Variants in BCAS3 observed in about 807,000 individuals in gnomAD.
BCAS3 encodes the protein BCAS3 microtubule associated cell migration factor.
In BCAS3, 53 loss-of-function variants were observed where a neutral mutation model predicts 116.1. The observed-to-expected ratio is 0.46, with a 90% CI of 0.37 to 0.57. The LOEUF (loss-of-function observed/expected upper bound fraction) is 0.57. BCAS3 is among the 20% of genes least tolerant of loss of function. BCAS3 has a pLI of 0.00. For synonymous variants in BCAS3, 391 were observed against 408.2 expected (o/e 0.96, Z 0.51); for missense variants, 917 against 1,165.4 (o/e 0.79, Z 3.10).
intron 22 of BCAS3, among the ~76,000 whole-genome samples, chr17:61,085,454 A>G (rs1224348037): frequency 6.6e-6 from 1 of 152,230 alleles, no homozygotes; most frequent in Non-Finnish European, 1.5e-5. Flanking sequence ...AAACAAACAC[A>G]AAACTGATTT....
rs2047743362 is a variant in BCAS3 at position 61,244,126 on chromosome 17, CCT to C, written c.2426-124198_2426-124197del. On this transcript the variant is annotated intron_variant, in intron 22 of 23. Transcript: ENST00000407086. The surrounding 1 kb of genome is among the most constrained non-coding windows in gnomAD (Gnocchi z 4.9). ...TATGTCAAATTAAAGCATTTTTAAA[CCT>C]CTTTTTTTAACTCAAGTAATACATA... Among the ~76,000 whole-genome samples, 2 of 152,050 alleles carry C rather than the reference CCT, an allele frequency of 1.3e-5. No individual in the cohort carries two copies. Among genetic ancestry groups the C allele is most frequent in the Non-Finnish European group, 1.5e-5 (1 of 68,016 alleles).
intron 22 of BCAS3, among the ~76,000 whole-genome samples, chr17:61,331,831 GGT>G (rs936216137): frequency 2.6e-5 from 4 of 152,168 alleles, no homozygotes; most frequent in African/African-American, 9.7e-5. Flanking sequence ...GCACGTGGCA[GGT>G]GTGATTGTTG....
chr17:60,936,172 T>C (rs995805820), intron 13 of BCAS3, among the ~76,000 whole-genome samples: 20 of 151,710 alleles, frequency 1.3e-4, no homozygotes, highest in Non-Finnish European at 1.9e-4. Flanking sequence ...TCCATGTCCC[T>C]ACAAAGGACA....
In BCAS3 at chr17:61,078,477, C is replaced by T; in HGVS notation, c.2275C>T (p.Pro759Ser). The T allele has an allele frequency of 6.2e-7, 1 of 1,614,174 alleles. No homozygotes were observed. The highest frequency in any genetic ancestry group is 8.5e-7 in the Non-Finnish European group (1 of 1,180,026). ...VLQSHGPSDTPQPLLDFDTDD... is the reference protein window; with the variant it reads ...VLQSHGPSDTSQPLLDFDTDD... ...GCAGTCTCATGGTCCGAGTGACACG[C>T]CACAGCCTCTTTTGGATTTTGATAC... The change falls in exon 21 of 24, where the codon CCA (proline) becomes TCA (serine). Residue 759 changes from proline to serine, a missense_variant. Physicochemically the swap from Pro to Ser is moderately conservative, Grantham distance 74. This residue lies in a region of BCAS3 where 807 missense variants were observed against 1,026.0 expected (regional missense o/e 0.79). Transcript: ENST00000407086.
intron 16 of BCAS3, among the ~76,000 whole-genome samples, chr17:61,033,640 CAG>C (rs2066808512): frequency 6.6e-6 from 1 of 152,120 alleles, no homozygotes; most frequent in South Asian, 2.1e-4. Flanking sequence ...GGCTAACTAG[CAG>C]AGAGGAACAT....
rs1248116188 is a variant in BCAS3 at position 61,235,185 on chromosome 17, C to T, written c.2426-133142C>T. Among the ~76,000 whole-genome samples, 1 of 152,198 alleles carries T rather than the reference C, an allele frequency of 6.6e-6. No homozygotes were observed. The highest frequency in any genetic ancestry group is 1.5e-5 in the Non-Finnish European group (1 of 68,034). On this transcript the variant is annotated intron_variant, in intron 22 of 23. Coordinates refer to ENST00000407086, the MANE Select transcript of BCAS3 (RefSeq NM_017679.5). The surrounding 1 kb of genome is among the most constrained non-coding windows in gnomAD (Gnocchi z 5.0). ...TATAGGCGTGAACCACCACGCCTGG[C>T]TGTCTGCCCCCCGCCTGTCCTAAGC...
At chr17:61,192,729 C>G (rs1439061767) in intron 22 of BCAS3, among the ~76,000 whole-genome samples, 2 of 152,196 alleles carry the variant, frequency 1.3e-5, no homozygotes, top group Non-Finnish European at 2.9e-5. Flanking sequence ...GCTTCACCAA[C>G]AAAATATAAA....
chr17:60,894,216 G>T (rs1034965736), intron 10 of BCAS3, among the ~76,000 whole-genome samples: 4 of 151,966 alleles, frequency 2.6e-5, no homozygotes, highest in African/African-American at 9.7e-5. Context: ...TCATGAGCTT[G>T]GGATGTTTTT....
chr17:61,216,516 G>GTTTATTTTATTTTATTTTAT lies in BCAS3; in HGVS notation c.2425+131970_2425+131989dup, dbSNP rs3032587. On this transcript the variant is annotated intron_variant, in intron 22 of 23. Coordinates refer to ENST00000407086, the MANE Select transcript of BCAS3 (RefSeq NM_017679.5). ...GAACTAAGCAAGTCAATAAGTATGT[G>GTTTATTTTATTTTATTTTAT]TTTATTTTATTTTATTTTATTTTAT... Among the ~76,000 whole-genome samples, 811 of 145,434 alleles carry GTTTATTTTATTTTATTTTAT rather than the reference G, an allele frequency of 5.6e-3. 3 individuals carry two copies. The highest frequency in any genetic ancestry group is 0.014 in the Middle Eastern group (4 of 290).
intron 7 of BCAS3, chr17:60,810,063 A>G: frequency 4.0e-6 from 1 of 249,502 alleles, no homozygotes; most frequent in Admixed American, 4.1e-5. Context: ...GCCAAGAAAC[A>G]GGAAGTTGTG....
intron 14 of BCAS3, among the ~76,000 whole-genome samples, chr17:60,977,491 T>TTA (rs2062483275): frequency 8.0e-5 from 12 of 149,610 alleles, no homozygotes; most frequent in African/African-American, 1.2e-4. Flanking sequence ...GCACTTTCTT[T>TTA]TTATTATTAT....
chr17:60,983,778 A>T (rs889602832), intron 14 of BCAS3, among the ~76,000 whole-genome samples: 1 of 152,218 alleles, frequency 6.6e-6, no homozygotes, highest in Non-Finnish European at 1.5e-5. Context: ...AAATTGCTCA[A>T]TGATAAATCT....
chr17:61,359,262 G>A (rs1449178777), intron 22 of BCAS3, among the ~76,000 whole-genome samples: 1 of 152,108 alleles, frequency 6.6e-6, no homozygotes, highest in African/African-American at 2.4e-5. Flanking sequence ...CTCTAATTTT[G>A]AATGGGCCTG....
intron 5 of BCAS3, among the ~76,000 whole-genome samples, chr17:60,723,993 T>G (rs2039539108): frequency 6.6e-6 from 1 of 151,864 alleles, no homozygotes; most frequent in East Asian, 1.9e-4. Flanking sequence ...GTGCTGAGAT[T>G]ACAGGCGTGA....
rs920720648 is a variant in BCAS3 at position 61,323,020 on chromosome 17, T to C, written c.2426-45307T>C. On this transcript the variant is annotated intron_variant, in intron 22 of 23. Transcript: ENST00000407086. The surrounding 1 kb of genome is among the most constrained non-coding windows in gnomAD (Gnocchi z 4.6). ...TTTTTAAAGGCGTGTTGTGGCTATT[T>C]TGATGCCTTTTGAAAGTGCCACAGT... 2.0e-5 allele frequency among the ~76,000 whole-genome samples: 3 copies of C among 152,064 alleles called. No homozygotes were observed. Among genetic ancestry groups the C allele is most frequent in the Non-Finnish European group, 4.4e-5 (3 of 68,018 alleles).
In BCAS3 at chr17:61,217,868, G is replaced by A. The variant is rs1466442328; in HGVS notation, c.2425+133304G>A. ...AACTAGAAAAGCGTCGGACTTCTCT[G>A]TAACAACAGTCTTGGTGGCTGACTT... On this transcript the variant is annotated intron_variant, in intron 22 of 23. Coordinates refer to ENST00000407086, the MANE Select transcript of BCAS3 (RefSeq NM_017679.5). This position sits in a 1 kb window ranked among gnomAD's most constrained non-coding sequence, Gnocchi z 5.2. Among the ~76,000 whole-genome samples the A allele has an allele frequency of 6.6e-6, 1 of 152,096 alleles. No homozygotes were observed.
chr17:61,044,446 CAAA>C (rs1223902392), intron 19 of BCAS3, among the ~76,000 whole-genome samples: 1 of 82,822 alleles, frequency 1.2e-5, no homozygotes. Flanking sequence ...GACTCTGTCT[CAAA>C]AAAAAAAAAA....
chr17:60,942,519 C>T (rs1203451762), intron 13 of BCAS3, among the ~76,000 whole-genome samples: 1 of 152,082 alleles, frequency 6.6e-6, no homozygotes, highest in Non-Finnish European at 1.5e-5. Context: ...ACCTCATGAT[C>T]ATAGCTAGAC....
chr17:61,254,955 T>C (rs757249965), intron 22 of BCAS3, among the ~76,000 whole-genome samples: 1 of 152,126 alleles, frequency 6.6e-6, no homozygotes, highest in Non-Finnish European at 1.5e-5. Context: ...TTTTAAATTT[T>C]TAAAATTCTG....
Sources: allele counts gnomAD v4.1 joint callset (sites outside exome capture counted in the v4.1 genomes callset), GRCh38; gene constraint gnomAD v4.1.1; regional missense constraint gnomAD v4.1.1; non-coding constraint Gnocchi (gnomAD v3.1); transcripts MANE v1.5; gene names NCBI Gene and HGNC (gene_info 2026-07-23, HGNC 2026-07-21).